Variants in R3HDM4 observed in about 807,000 individuals in gnomAD.
The protein encoded by R3HDM4 is R3H domain containing 4.
In R3HDM4, 30 loss-of-function variants were observed where a neutral mutation model predicts 31.3. The observed-to-expected ratio is 0.96, with a 90% CI of 0.72 to 1.30. R3HDM4 has a LOEUF of 1.30. R3HDM4 is among the 50% of genes most tolerant of loss of function. The probability of loss-of-function intolerance (pLI) is 0.00; values close to 1 mark genes in which losing one functional copy is unlikely to be tolerated. For synonymous variants in R3HDM4, 196 were observed against 156.6 expected, an observed-to-expected ratio of 1.25 and a Z score of -1.88; for missense variants, 444 against 366.1, an observed-to-expected ratio of 1.21 and a Z score of -1.74.
chr19:899,659 G>C lies in R3HDM4; in HGVS notation c.589C>G (p.Leu197Val), dbSNP rs761795928. 1.2e-6 allele frequency: 2 copies of C among 1,603,330 alleles called. No homozygotes were observed. The highest frequency in any genetic ancestry group is 1.7e-5 in the Admixed American group (1 of 57,906). The part of the protein sequence containing the change: ...METLETWEER[L>V]LRFFSVSPQA... ...GGGGACACGGAGAAGAACCGAAGCA[G>C]CCGCTCCTCCCAGGTCTCCAGCGTT... Residue 197 changes from leucine to valine, a missense_variant, in exon 6 of 8, where the codon CTG becomes GTG. Physicochemically the swap from Leu to Val is conservative, Grantham distance 32 (BLOSUM62 1). Transcript: ENST00000361574. The surrounding 1 kb of genome is among the most constrained non-coding windows in gnomAD (Gnocchi z 6.8).
intron 7 of R3HDM4, 131 bp from the exon 8 acceptor site, chr19:897,671 C>T (rs760855194): frequency 7.7e-5 from 54 of 703,108 alleles, no homozygotes; most frequent in African/African-American, 1.3e-4. Context: ...CTGGTCACTG[C>T]GGCCTGGCTG....
chr19:905,962 AGCAGG>A (rs1032654678), intron 1 of R3HDM4, among the ~76,000 whole-genome samples: 14 of 152,172 alleles, frequency 9.2e-5, no homozygotes, highest in African/African-American at 3.4e-4. Flanking sequence ...CTGCGGCGTT[AGCAGG>A]GCAGGTCCTG....
chr19:912,157 C>G (rs1490449437), intron 1 of R3HDM4, among the ~76,000 whole-genome samples: 5 of 11,386 alleles, frequency 4.4e-4, no homozygotes, highest in African/African-American at 2.5e-3. Context: ...GGGGGACGGA[C>G]CCGGGAGTGT....
chr19:897,197 C>T lies in R3HDM4; in HGVS notation c.*240G>A, dbSNP rs922540360. 4.2e-6 allele frequency: 2 copies of T among 471,402 alleles called. No homozygotes were observed. The highest frequency in any genetic ancestry group is 7.5e-6 in the Non-Finnish European group (2 of 266,198). The allele number at this position is 471,402 out of a possible 1,614,324, so 29.2% of individuals were successfully genotyped here. On this transcript the variant is annotated 3_prime_UTR_variant, in exon 8 of 8. Coordinates refer to ENST00000361574, the MANE Select transcript of R3HDM4 (RefSeq NM_138774.4). ...AGGAACATGCCCAGGTCAGGTCTCC[C>T]CACCCAAACACAAGTCCCGGAGTGG... is the stretch of plus-strand genomic sequence containing the variant.
chr19:898,010 G>A (rs969403107), intron 7 of R3HDM4, among the ~76,000 whole-genome samples: 2 of 152,254 alleles, frequency 1.3e-5, no homozygotes, highest in East Asian at 1.9e-4. Context: ...GCTCATGCCT[G>A]TAATCCCAGC....
At chr19:901,192 G>A (rs909941885) in intron 3 of R3HDM4, 1 of 668,000 alleles carries the variant, frequency 1.5e-6, no homozygotes, top group East Asian at 2.8e-5. Flanking sequence ...TGCAATCGTT[G>A]GAGGGTTCCC....
At position 897,361 on chromosome 19, in the gene R3HDM4, A is replaced by T. The variant is rs2036752146; in HGVS notation, c.*76T>A. The T allele has an allele frequency of 1.8e-6, 2 of 1,103,118 alleles. No individual in the cohort carries two copies. The highest frequency in any genetic ancestry group is 2.6e-6 in the Non-Finnish European group (2 of 778,610). 68.3% of individuals were successfully genotyped at this position (1,103,118 alleles called of 1,614,324 possible). A position where few individuals can be genotyped will look rare whatever the true frequency, so the allele number is the denominator to read the frequency against. On this transcript the variant is annotated 3_prime_UTR_variant, in exon 8 of 8. Transcript: ENST00000361574. ...TCCGAGGACAAATTCTAAAAATATG[A>T]AAGATATTTTAGCCGAAGGTATCGG...
intron 1 of R3HDM4, chr19:902,769 C>G (rs2036853771): frequency 6.6e-6 from 1 of 152,254 alleles, no homozygotes; most frequent in African/African-American, 2.4e-5. Context: ...GAAACCCTGT[C>G]TCTACCAAAA....
At position 909,582 on chromosome 19, in the gene R3HDM4, G is replaced by C. The variant is rs1335527487; in HGVS notation, c.71+3505C>G. Among the ~76,000 whole-genome samples the C allele has an allele frequency of 3.3e-5, 5 of 151,986 alleles. No homozygotes were observed. The East Asian group carries it at 9.7e-4, about 29-fold the overall frequency. The stretch of plus-strand genomic sequence containing the variant: ...AGGCCGAGGCAGGTGGATCACCTGA[G>C]GTCAGGAGTTTGAGACCAGCCTGAC... On this transcript the variant is annotated intron_variant, in intron 1 of 7. Transcript: ENST00000361574.
In R3HDM4 at chr19:899,328, C is replaced by CA; in HGVS notation, c.703+111_703+112insT. 1 of 1,140,382 alleles carries CA rather than the reference C, an allele frequency of 8.8e-7. No individual in the cohort carries two copies. The highest frequency in any genetic ancestry group is 1.3e-6 in the Non-Finnish European group (1 of 769,140). 70.6% of individuals were successfully genotyped at this position (1,140,382 alleles called of 1,614,324 possible). On this transcript the variant is annotated intron_variant, in intron 7 of 7. Coordinates refer to ENST00000361574, the MANE Select transcript of R3HDM4 (RefSeq NM_138774.4). The surrounding 1 kb of genome is among the most constrained non-coding windows in gnomAD (Gnocchi z 6.8). Reference sequence around the variant, plus strand: ...TTCGTAGCGTCCCCACTCCAGCCCCCTTCCCCACCTCCCCACCAAGCCCCA... The same window carrying CA: ...TTCGTAGCGTCCCCACTCCAGCCCCCATTCCCCACCTCCCCACCAAGCCCCA...
At chr19:898,415 A>C (rs1008928484) in intron 7 of R3HDM4, among the ~76,000 whole-genome samples, 9 of 147,226 alleles carry the variant, frequency 6.1e-5, no homozygotes, top group African/African-American at 2.2e-4. Flanking sequence ...AAAAAAAAAA[A>C]AAAAAAAGAA....
At chr19:908,814 G>A (rs138630386) in intron 1 of R3HDM4, among the ~76,000 whole-genome samples, 242 of 149,820 alleles carry the variant, frequency 1.6e-3, no homozygotes, top group Non-Finnish European at 3.1e-3. Context: ...GAAACCAACC[G>A]GCCCCAGCCG....
Position 897,019 on chromosome 19 carries a change from A to G in R3HDM4, c.*418T>C, listed in dbSNP as rs191768568. 108 of 163,618 alleles carry G rather than the reference A, an allele frequency of 6.6e-4. No homozygotes were observed. Among genetic ancestry groups the G allele is most frequent in the African/African-American group, 2.4e-3 (102 of 41,808 alleles). The allele number at this position is 163,618 out of a possible 1,614,324, so 10.1% of individuals were successfully genotyped here. On this transcript the variant is annotated 3_prime_UTR_variant, in exon 8 of 8. Transcript: ENST00000361574. Reference sequence around the variant, plus strand: ...CTGGGACCAAGACCCATGTTTTACCAGTGGGGCGAGTTTTTTTGGTTTTTC... The same window carrying G: ...CTGGGACCAAGACCCATGTTTTACCGGTGGGGCGAGTTTTTTTGGTTTTTC...
intron 7 of R3HDM4, among the ~76,000 whole-genome samples, chr19:898,778 C>G (rs553957189): frequency 1.3e-5 from 2 of 152,252 alleles, no homozygotes; most frequent in East Asian, 3.9e-4. Context: ...GCCCCGCACC[C>G]CCAGCCAAGG....
intron 2 of R3HDM4, 177 bp downstream of exon 2, chr19:901,798 CA>C (rs886504876): frequency 1.3e-6 from 1 of 769,084 alleles, no homozygotes; most frequent in African/African-American, 1.8e-5. Flanking sequence ...TCCAAGAGTC[CA>C]GGGGGCGCCT....
Position 901,409 on chromosome 19 carries a change from T to A in R3HDM4, c.351+13A>T. ...TCCCCGTGTGGAGGGAGTGAGGGGG[T>A]TGGGGGCCACACCTCCACATAGGTG... is the stretch of plus-strand genomic sequence containing the variant. On this transcript the variant is annotated intron_variant, in intron 3 of 7. Transcript: ENST00000361574. 1 of 1,600,256 alleles carries A rather than the reference T, an allele frequency of 6.2e-7. No individual in the cohort carries two copies. The highest frequency in any genetic ancestry group is 8.5e-7 in the Non-Finnish European group (1 of 1,177,844).
intron 1 of R3HDM4, among the ~76,000 whole-genome samples, chr19:909,139 C>A (rs1042689088): frequency 1.3e-5 from 2 of 152,222 alleles, no homozygotes; most frequent in Middle Eastern, 3.2e-3. Flanking sequence ...GCAGCCCAAG[C>A]TGGGGAGCTG....
At chr19:910,908 A>C (rs1204278876) in intron 1 of R3HDM4, among the ~76,000 whole-genome samples, 1 of 151,770 alleles carries the variant, frequency 6.6e-6, no homozygotes, top group Non-Finnish European at 1.5e-5. Context: ...TCACAAGGTC[A>C]AGAGATCGAG....
rs1599358681 is a variant in R3HDM4 at position 901,994 on chromosome 19, G to A, written c.208C>T (p.Leu70Phe). 3.1e-6 allele frequency: 5 copies of A among 1,613,772 alleles called. No individual in the cohort carries two copies. The East Asian group carries it at 1.1e-4, about 36-fold the overall frequency. ...LVPKAKGRKS[L>F]QRLENTQYLL... ...TGCTCACTGTTCTCCAGGCGCTGGA[G>A]GCTCTTCCGCCCCTTGGCCTTGGGC... is the stretch of plus-strand genomic sequence containing the variant. Residue 70 changes from leucine (L) to phenylalanine (F), a missense_variant, in exon 2 of 8, where the codon CTC becomes TTC. By Grantham distance (22) the Leu-to-Phe change is conservative (BLOSUM62 0). Coordinates refer to ENST00000361574, the MANE Select transcript of R3HDM4 (RefSeq NM_138774.4).
Sources: gnomAD v4.1 joint callset for allele counts (sites outside exome capture counted in the v4.1 genomes callset) on GRCh38, gnomAD v4.1.1 for gene constraint, Gnocchi (gnomAD v3.1) non-coding constraint, MANE v1.5 for transcripts, NCBI Gene and HGNC (gene_info 2026-07-23, HGNC 2026-07-21) for gene names.